The following SPECC1L variants were observed in gnomAD, a reference collection of about 807,000 sequenced individuals.
The protein encoded by SPECC1L is cytospin-A.
SPECC1L carries 40 observed loss-of-function variants against 116.8 expected under a neutral mutation model. The observed-to-expected ratio is 0.34, with a 90% CI of 0.27 to 0.45. The LOEUF is 0.45. Ranked by LOEUF, SPECC1L falls within the 20% of genes least tolerant of loss-of-function variation. The pLI is 1.00. For synonymous variants in SPECC1L, 504 were observed against 500.6 expected (o/e 1.01, Z -0.09); for missense variants, 1,110 against 1,373.6 (o/e 0.81, Z 3.03).
chr22:24,278,814 G>T (rs2048886413), intron 2 of SPECC1L, among the ~76,000 whole-genome samples: 1 of 152,178 alleles, frequency 6.6e-6, no homozygotes, highest in Non-Finnish European at 1.5e-5. Context: ...TCACTTTGCA[G>T]GTGAAAGTGG....
intron 14 of SPECC1L, among the ~76,000 whole-genome samples, chr22:24,393,218 A>G (rs1601337736): frequency 2.0e-5 from 3 of 152,352 alleles, no homozygotes; most frequent in South Asian, 4.1e-4. Flanking sequence ...AGAGACTGTT[A>G]TCTCTTACTT....
At chr22:24,405,441 A>G (rs2042568557) in intron 14 of SPECC1L, among the ~76,000 whole-genome samples, 1 of 151,664 alleles carries the variant, frequency 6.6e-6, no homozygotes, top group Non-Finnish European at 1.5e-5. Context: ...GGAGCAGCCT[A>G]GGGACTTTCT....
chr22:24,288,417 C>T (rs1419014266), intron 2 of SPECC1L, among the ~76,000 whole-genome samples: 1 of 151,962 alleles, frequency 6.6e-6, no homozygotes, highest in African/African-American at 2.4e-5. Flanking sequence ...AAATTGTCCC[C>T]TACCCCTCAT....
chr22:24,379,842 T>C (rs568173849), intron 14 of SPECC1L, among the ~76,000 whole-genome samples: 11 of 152,326 alleles, frequency 7.2e-5, no homozygotes, highest in Non-Finnish European at 1.6e-4. Context: ...TAAGTTAACA[T>C]TGGACAGCCT....
At chr22:24,336,246 A>G (rs780192367) in intron 9 of SPECC1L, among the ~76,000 whole-genome samples, 3 of 151,720 alleles carry the variant, frequency 2.0e-5, no homozygotes, top group Non-Finnish European at 4.4e-5. Context: ...ATTGCAGGCC[A>G]GTACATATAT....
Position 24,415,161 on chromosome 22 carries a change from A to C in SPECC1L, c.*538A>C, listed in dbSNP as rs1047993578. 1 of 182,458 alleles carries C rather than the reference A, an allele frequency of 5.5e-6. No individual in the cohort carries two copies. The highest frequency in any genetic ancestry group is 1.2e-5 in the Non-Finnish European group (1 of 84,586). 11.3% of individuals were successfully genotyped at this position (182,458 alleles called of 1,614,324 possible). On this transcript the variant is annotated 3_prime_UTR_variant, in exon 17 of 17. Coordinates refer to ENST00000314328, the MANE Select transcript of SPECC1L (RefSeq NM_015330.6). ...AGCATGTTCACCACAGACGTGGGTC[A>C]GCTGCCCCACACCTGACGGGGCTGT...
At chr22:24,383,259 A>G (rs1297702698) in intron 14 of SPECC1L, among the ~76,000 whole-genome samples, 5 of 152,192 alleles carry the variant, frequency 3.3e-5, no homozygotes, top group African/African-American at 4.8e-5. Context: ...ACTATTTGAA[A>G]CATAGTATCC....
intron 16 of SPECC1L, among the ~76,000 whole-genome samples, chr22:24,413,376 G>A (rs527862284): frequency 7.2e-5 from 11 of 152,278 alleles, no homozygotes; most frequent in South Asian, 2.1e-4. Context: ...ACTGAGTGCC[G>A]CAGCCTCACA....
At chr22:24,296,464 A>T (rs1390732261) in intron 2 of SPECC1L, among the ~76,000 whole-genome samples, 1 of 152,278 alleles carries the variant, frequency 6.6e-6, no homozygotes, top group Non-Finnish European at 1.5e-5. Flanking sequence ...GGCAGGATCC[A>T]CAATGTTTTT....
At chr22:24,387,557 C>T (rs1436909730) in intron 14 of SPECC1L, among the ~76,000 whole-genome samples, 1 of 152,102 alleles carries the variant, frequency 6.6e-6, no homozygotes, top group Non-Finnish European at 1.5e-5. Flanking sequence ...TTGGTATTTT[C>T]AGGAATGTTG....
chr22:24,314,121 TGCAAGCTTC>T (rs1200984273), intron 4 of SPECC1L, among the ~76,000 whole-genome samples: 1 of 151,722 alleles, frequency 6.6e-6, no homozygotes. Flanking sequence ...CTCAGCTAAC[TGCAAGCTTC>T]GCCTCCTGGG....
intron 7 of SPECC1L, among the ~76,000 whole-genome samples, chr22:24,329,231 G>A (rs1036163680): frequency 2.6e-5 from 4 of 152,072 alleles, no homozygotes; most frequent in African/African-American, 4.8e-5. Context: ...TTTGGATTTC[G>A]GATTTTCAGA....
At chr22:24,350,207 C>A (rs531638060) in intron 11 of SPECC1L, among the ~76,000 whole-genome samples, 12 of 152,232 alleles carry the variant, frequency 7.9e-5, no homozygotes, top group African/African-American at 2.9e-4. Flanking sequence ...GGAAACCACT[C>A]GTTCTCCCAC....
At chr22:24,407,344 C>T (rs573315125) in intron 14 of SPECC1L, among the ~76,000 whole-genome samples, 21 of 152,220 alleles carry the variant, frequency 1.4e-4, no homozygotes, top group Middle Eastern at 3.4e-3. Context: ...CCAGGTGGGG[C>T]GGGGGTGCTG....
chr22:24,382,339 T>G (rs2042077430), intron 14 of SPECC1L, among the ~76,000 whole-genome samples: 1 of 152,084 alleles, frequency 6.6e-6, no homozygotes, highest in South Asian at 2.1e-4. Context: ...GTAGCAGGAC[T>G]AAAATTTGAA....
In SPECC1L at chr22:24,365,608, C is replaced by A; in HGVS notation, c.2960C>A (p.Thr987Asn). 6.2e-7 allele frequency: 1 copy of A among 1,614,192 alleles called. No individual in the cohort carries two copies. The highest frequency in any genetic ancestry group is 8.5e-7 in the Non-Finnish European group (1 of 1,180,036). Residue 987 changes from threonine (T) to asparagine (N), a missense_variant, in exon 13 of 17, where the codon ACT becomes AAT. Thr to Asn is a moderately conservative substitution (Grantham distance 65). Around this residue, in one of 4 missense-constraint regions of SPECC1L, gnomAD observed 575 missense variants for 682.4 expected, o/e 0.84. Coordinates refer to ENST00000314328, the MANE Select transcript of SPECC1L (RefSeq NM_015330.6). Reference sequence around the variant, plus strand: ...TCCTCTTCTCCAACGGCATCTGTGACTCCCACCACCCGAAGCCGAATAAGG... The same window carrying A: ...TCCTCTTCTCCAACGGCATCTGTGAATCCCACCACCCGAAGCCGAATAAGG... ...SLSSSPTASV[T>N]PTTRSRIREE...
Position 24,416,094 on chromosome 22 carries a change from T to C in SPECC1L, c.*1471T>C, listed in dbSNP as rs1011584550. ...ACAGGAGGCCCAGCCAGCCCGATTGTGGGCTGAGGGGTCTGCATTCAAGCA... is the reference window on the plus strand; with the variant it reads ...ACAGGAGGCCCAGCCAGCCCGATTGCGGGCTGAGGGGTCTGCATTCAAGCA... On this transcript the variant is annotated 3_prime_UTR_variant, in exon 17 of 17. Transcript: ENST00000314328. The C allele has an allele frequency of 2.0e-5, 3 of 152,246 alleles. No individual in the cohort carries two copies. The highest frequency in any genetic ancestry group is 7.2e-5 in the African/African-American group (3 of 41,466). The allele number at this position is 152,246 out of a possible 1,614,324, so 9.4% of individuals were successfully genotyped here.
At chr22:24,304,088 T>G (rs192930330) in intron 3 of SPECC1L, among the ~76,000 whole-genome samples, 1 of 152,254 alleles carries the variant, frequency 6.6e-6, no homozygotes, top group East Asian at 1.9e-4. Context: ...TTTATTTTTC[T>G]AACTTTTTTT....
rs746153199 is a variant in SPECC1L at position 24,321,292 on chromosome 22, A to C, written c.312A>C (p.Thr104=). 1.9e-6 allele frequency: 3 copies of C among 1,613,792 alleles called. No individual in the cohort carries two copies. Among genetic ancestry groups the C allele is most frequent in the Admixed American group, 1.7e-5 (1 of 60,008 alleles). ...TTTTTTGTATTAAACACATAGGCAC[A>C]GCTTCTTCAACCAAGCGGAGCACTT... The part of the protein sequence containing the change: ...VENKSKISTG[T]ASSTKRSTST... Residue 104 remains threonine (T), a synonymous_variant, in exon 5 of 17, where the codon ACA becomes ACC. Transcript: ENST00000314328.
Sources: gnomAD v4.1 joint callset for allele counts (sites outside exome capture counted in the v4.1 genomes callset) on GRCh38, gnomAD v4.1.1 for gene constraint, gnomAD v4.1.1 regional missense constraint, MANE v1.5 for transcripts, NCBI Gene and HGNC (gene_info 2026-07-23, HGNC 2026-07-21) for gene names.